The following CRYBG3 variants were observed in gnomAD, a reference collection of about 807,000 sequenced individuals.
CRYBG3 encodes very large A-kinase anchor protein.
Under a neutral mutation model 244.2 loss-of-function variants are expected in CRYBG3, and 127 were observed. The ratio of observed to expected loss-of-function variants is 0.52; its 90% CI spans 0.45 to 0.60. CRYBG3 has a LOEUF of 0.60. Ranked by LOEUF, CRYBG3 falls within the 20% of genes least tolerant of loss-of-function variation. CRYBG3 has a pLI of 0.00. For synonymous variants in CRYBG3, 1,132 were observed against 1,195.8 expected (o/e 0.95, Z 1.10); for missense variants, 3,325 against 3,442.5 (o/e 0.97, Z 0.85).
intron 15 of CRYBG3, among the ~76,000 whole-genome samples, chr3:97,901,752 C>T (rs941921922): frequency 1.3e-5 from 2 of 152,052 alleles, no homozygotes; most frequent in African/African-American, 4.8e-5. Context: ...CTGCTCCTAC[C>T]TCCTTGTTCT....
chr3:97,913,480 A>G (rs1189054430), intron 16 of CRYBG3, among the ~76,000 whole-genome samples: 1 of 152,204 alleles, frequency 6.6e-6, no homozygotes, highest in East Asian at 1.9e-4. Context: ...CAATACACAA[A>G]CCAATAGGCA....
chr3:97,891,451 A>C (rs1354270284), intron 10 of CRYBG3, among the ~76,000 whole-genome samples: 1 of 152,214 alleles, frequency 6.6e-6, no homozygotes, highest in Admixed American at 6.6e-5. Flanking sequence ...CTATACTGTA[A>C]GTATACATGA....
At chr3:97,926,778 G>A (rs1401188615) in intron 17 of CRYBG3, among the ~76,000 whole-genome samples, 4 of 151,942 alleles carry the variant, frequency 2.6e-5, no homozygotes, top group African/African-American at 4.8e-5. Context: ...CACCGGTAAC[G>A]TCCAAGCTGA....
In CRYBG3 at chr3:97,871,902, A is replaced by G. The variant is rs1371201401; in HGVS notation, c.708A>G (p.Arg236=). The change falls in exon 4 of 22, where the codon AGA becomes AGG. Residue 236 remains arginine (R), a synonymous_variant. Coordinates refer to ENST00000389622, the MANE Select transcript of CRYBG3 (RefSeq NM_153605.4). ...SVTYATYRGP[R]HIGKYLKQQT... ...CATATGCAACATATCGAGGCCCAAG[A>G]CACATTGGGAAATATTTAAAGCAAC... The G allele has an allele frequency of 7.2e-6, 11 of 1,534,690 alleles. No homozygotes were observed. Among genetic ancestry groups the G allele is most frequent in the East Asian group, 2.4e-5 (1 of 40,922 alleles).
chr3:97,863,220 G>A (rs2039175570), intron 2 of CRYBG3, among the ~76,000 whole-genome samples: 1 of 152,122 alleles, frequency 6.6e-6, no homozygotes, highest in East Asian at 1.9e-4. Flanking sequence ...GACAGAGACT[G>A]TAGGATGGGC....
At chr3:97,939,770 C>T (rs1367070732) in intron 19 of CRYBG3, among the ~76,000 whole-genome samples, 1 of 152,042 alleles carries the variant, frequency 6.6e-6, no homozygotes, top group Admixed American at 6.6e-5. Context: ...ACTACTGTTG[C>T]ATTGTTAATG....
In CRYBG3 at chr3:97,875,173, G is replaced by A; in HGVS notation, c.3979G>A (p.Asp1327Asn). Reference sequence around the variant, plus strand: ...AAAATTGAGAAATGATACTTTTGAAGATACTGAGGATACTTGGGATTCTGA... The same window carrying A: ...AAAATTGAGAAATGATACTTTTGAAAATACTGAGGATACTTGGGATTCTGA... ...QEKLRNDTFE[D>N]TEDTWDSELQ... The change falls in exon 4 of 22, where the codon GAT becomes AAT. Residue 1327 changes from aspartate (D) to asparagine (N), a missense_variant. This residue lies in a region of CRYBG3 where 635 missense variants were observed against 771.7 expected (regional missense o/e 0.82). Transcript: ENST00000389622. 6.5e-7 allele frequency: 1 copy of A among 1,535,326 alleles called. No individual in the cohort carries two copies. Among genetic ancestry groups the A allele is most frequent in the Non-Finnish European group, 8.7e-7 (1 of 1,146,380 alleles).
rs1285805085 is a variant in CRYBG3, at chr3:97,875,283, G to A, written c.4089G>A (p.Gln1363=). The part of the protein sequence containing the change: ...DVVREFLVSE[Q]PVNQSTQISE... ...TTAGAGAGTTCTTGGTTTCAGAACA[G>A]CCAGTAAATCAAAGCACACAAATTA... Residue 1363 remains glutamine, a synonymous_variant, in exon 4 of 22, where the codon CAG becomes CAA. Coordinates refer to ENST00000389622, the MANE Select transcript of CRYBG3 (RefSeq NM_153605.4). 4.1e-6 allele frequency: 6 copies of A among 1,463,462 alleles called. No homozygotes were observed. In the Admixed American group the frequency reaches 1.7e-4, roughly 40 times the overall value. The allele number at this position is 1,463,462 out of a possible 1,614,324, so 90.7% of individuals were successfully genotyped here.
At chr3:97,902,540 T>A (rs1398019266) in intron 15 of CRYBG3, among the ~76,000 whole-genome samples, 1 of 151,880 alleles carries the variant, frequency 6.6e-6, no homozygotes, top group Non-Finnish European at 1.5e-5. Flanking sequence ...AGGTTTGTTT[T>A]ATAGGTATAC....
intron 15 of CRYBG3, 60 bp downstream of exon 15, chr3:97,900,545 T>A (rs1273682180): frequency 9.8e-7 from 1 of 1,024,362 alleles, no homozygotes; most frequent in African/African-American, 1.6e-5. Context: ...TTATACCCTT[T>A]CTCTCAAATC....
At chr3:97,856,737 T>C (rs930756195) in intron 2 of CRYBG3, among the ~76,000 whole-genome samples, 1 of 152,266 alleles carries the variant, frequency 6.6e-6, no homozygotes, top group East Asian at 1.9e-4. Context: ...TAAGCCTTTG[T>C]ATTATGGTGG....
Position 97,861,110 on chromosome 3 carries a change from C to T in CRYBG3, c.217-3107C>T, listed in dbSNP as rs534283114. 1.6e-4 allele frequency among the ~76,000 whole-genome samples: 25 copies of T among 152,232 alleles called. No homozygotes were observed. The South Asian group carries it at 5.2e-3, about 32-fold the overall frequency. Reference sequence around the variant, plus strand: ...AGTTATCTGTGACCATATTATTCCTCACCCACCACTTCTAACTGGTCATCT... The same window carrying T: ...AGTTATCTGTGACCATATTATTCCTTACCCACCACTTCTAACTGGTCATCT... On this transcript the variant is annotated intron_variant, in intron 2 of 21. Coordinates refer to ENST00000389622, the MANE Select transcript of CRYBG3 (RefSeq NM_153605.4).
rs149444057 is a variant in CRYBG3 at position 97,924,296 on chromosome 3, G to C, written c.8241+8560G>C. 7.4e-5 allele frequency: 28 copies of C among 376,896 alleles called. 1 individual carries two copies. Among genetic ancestry groups the C allele is most frequent in the African/African-American group, 3.3e-4 (15 of 45,930 alleles). The allele number at this position is 376,896 out of a possible 1,614,324, so 23.3% of individuals were successfully genotyped here. A position where few individuals can be genotyped will look rare whatever the true frequency, so the allele number is the denominator to read the frequency against. ...TAAGTTCCAGATGGATTAATAACAA[G>C]CTAAATGTGAAAAGCAAACTTTACA... On this transcript the variant is annotated intron_variant, in intron 17 of 21. Coordinates refer to ENST00000389622, the MANE Select transcript of CRYBG3 (RefSeq NM_153605.4).
Position 97,892,901 on chromosome 3 carries a change from A to G in CRYBG3, c.7482A>G (p.Lys2494=). The change falls in exon 11 of 22, where the codon AAA becomes AAG. Residue 2494 remains lysine, a synonymous_variant. Coordinates refer to ENST00000389622, the MANE Select transcript of CRYBG3 (RefSeq NM_153605.4). ...YEKPHFHGQA[K]EFSEHIDSVP... ...AACCTCACTTCCATGGACAGGCTAA[A>G]GAGTTTAGTGAACATATAGATTCTG... The G allele has an allele frequency of 6.4e-7, 1 of 1,568,198 alleles. No individual in the cohort carries two copies. Among genetic ancestry groups the G allele is most frequent in the South Asian group, 1.2e-5 (1 of 86,344 alleles).
intron 2 of CRYBG3, among the ~76,000 whole-genome samples, chr3:97,863,389 T>C (rs940780699): frequency 3.0e-4 from 46 of 152,170 alleles, no homozygotes; most frequent in Admixed American, 1.3e-4. Flanking sequence ...TGCATTAATG[T>C]GAGTTTGCTT....
At chr3:97,889,220 A>G (rs1255497614) in intron 9 of CRYBG3, 135 bp from the exon 10 acceptor site, 3 of 698,380 alleles carry the variant, frequency 4.3e-6, no homozygotes, top group Admixed American at 2.6e-5. Context: ...AAAATTTAGC[A>G]CAATTTGAAT....
At chr3:97,915,875 A>C (rs1345675983) in intron 17 of CRYBG3, 139 bp downstream of exon 17, 3 of 703,056 alleles carry the variant, frequency 4.3e-6, no homozygotes, top group East Asian at 3.0e-5. Flanking sequence ...TTCATTTGTC[A>C]ATCGTAAAAC....
Position 97,822,037 on chromosome 3 carries a change from C to G in CRYBG3, c.-170C>G, listed in dbSNP as rs371292982. 4 of 456,472 alleles carry G rather than the reference C, an allele frequency of 8.8e-6. No individual in the cohort carries two copies. The highest frequency in any genetic ancestry group is 1.9e-4 in the South Asian group (2 of 10,480). 28.3% of individuals were successfully genotyped at this position (456,472 alleles called of 1,614,324 possible). On this transcript the variant is annotated 5_prime_UTR_variant, in exon 1 of 22. Coordinates refer to ENST00000389622, the MANE Select transcript of CRYBG3 (RefSeq NM_153605.4). ...GCGTGAGGAGCTGCCGCGCGAGGAG[C>G]GCGTCGCGTCCGCACTTCTCCTGCC...
At chr3:97,859,734 T>C (rs74515680) in intron 2 of CRYBG3, among the ~76,000 whole-genome samples, 2,327 of 152,278 alleles carry the variant, frequency 0.015, 48 homozygotes, top group African/African-American at 0.053. Context: ...CTCCTTTCAC[T>C]TTACTGAGGT....
Sources: allele counts gnomAD v4.1 joint callset (sites outside exome capture counted in the v4.1 genomes callset), GRCh38; gene constraint gnomAD v4.1.1; regional missense constraint gnomAD v4.1.1; transcripts MANE v1.5; gene names NCBI Gene and HGNC (gene_info 2026-07-23, HGNC 2026-07-21).